The following OLFM3 variants were observed in gnomAD, a reference collection of about 807,000 sequenced individuals.
OLFM3 encodes the protein noelin-3.
A neutral mutation model predicts 48.6 loss-of-function variants in OLFM3; 20 were observed. That is an observed-to-expected ratio of 0.41 (90% CI 0.29 to 0.60). OLFM3 has a LOEUF of 0.60. Ranked by LOEUF, OLFM3 falls within the 20% of genes least tolerant of loss-of-function variation. OLFM3 has a pLI of 0.28. For missense variants in OLFM3, 437 were observed against 544.3 expected (o/e 0.80, Z 1.96); for synonymous variants, 222 against 198.1 (o/e 1.12, Z -1.01).
At chr1:101,956,408 A>C (rs773732841) in intron 1 of OLFM3, among the ~76,000 whole-genome samples, 14 of 151,692 alleles carry the variant, frequency 9.2e-5, no homozygotes, top group Non-Finnish European at 1.6e-4. Context: ...GGACCCACAA[A>C]CATCACCTAT....
intron 1 of OLFM3, among the ~76,000 whole-genome samples, chr1:101,885,771 T>G (rs547582552): frequency 6.6e-6 from 1 of 152,150 alleles, no homozygotes; most frequent in Non-Finnish European, 1.5e-5. Context: ...GTGTGTCAAT[T>G]AACTCTTTAT....
chr1:101,870,675 C>A (rs748904250), intron 1 of OLFM3, among the ~76,000 whole-genome samples: 3 of 152,118 alleles, frequency 2.0e-5, no homozygotes, highest in Non-Finnish European at 4.4e-5. Flanking sequence ...GTTTCTCCAA[C>A]TCCTGGCCTC....
chr1:101,803,473 G>A lies in OLFM3; in HGVS notation c.*765C>T, dbSNP rs1184808009. ...ACTTGGGGTAAAATAAAGACTCTAT[G>A]TCAGGTGTCTGGTTTGGTTTTCATT... On this transcript the variant is annotated 3_prime_UTR_variant, in exon 6 of 6. Transcript: ENST00000370103. The A allele has an allele frequency of 6.6e-6, 1 of 152,064 alleles. No individual in the cohort carries two copies. Among genetic ancestry groups the A allele is most frequent in the Non-Finnish European group, 1.5e-5 (1 of 67,766 alleles). 9.4% of individuals were successfully genotyped at this position (152,064 alleles called of 1,614,324 possible).
intron 1 of OLFM3, among the ~76,000 whole-genome samples, chr1:101,862,626 T>A (rs1271499733): frequency 6.6e-6 from 1 of 152,116 alleles, no homozygotes; most frequent in Non-Finnish European, 1.5e-5. Flanking sequence ...TCAAGAGGAG[T>A]CTAGGTGCAG....
At chr1:101,828,373 A>G (rs1199931606) in intron 3 of OLFM3, among the ~76,000 whole-genome samples, 1 of 152,154 alleles carries the variant, frequency 6.6e-6, no homozygotes, top group Non-Finnish European at 1.5e-5. Flanking sequence ...AATATGTATA[A>G]TATTCTGAAA....
At chr1:101,809,824 T>C (rs924080595) in intron 4 of OLFM3, among the ~76,000 whole-genome samples, 2 of 151,950 alleles carry the variant, frequency 1.3e-5, no homozygotes, top group Non-Finnish European at 2.9e-5. Context: ...AAATATGACA[T>C]TGGGCTTAAA....
At chr1:101,842,480 G>A (rs780533146) in intron 1 of OLFM3, among the ~76,000 whole-genome samples, 8 of 152,152 alleles carry the variant, frequency 5.3e-5, no homozygotes, top group African/African-American at 1.4e-4. Flanking sequence ...CTGGGAAGTC[G>A]AGGCTACAGT....
At chr1:101,890,784 T>C (rs1286967548) in intron 1 of OLFM3, among the ~76,000 whole-genome samples, 2 of 152,018 alleles carry the variant, frequency 1.3e-5, no homozygotes, top group African/African-American at 4.8e-5. Flanking sequence ...AAAGAACTAC[T>C]TGATTCATTG....
intron 1 of OLFM3, among the ~76,000 whole-genome samples, chr1:101,982,641 A>C (rs1265834282): frequency 3.3e-5 from 5 of 152,206 alleles, no homozygotes; most frequent in Admixed American, 6.5e-5. Context: ...AATCTGGTGC[A>C]GGCCTGCATA....
At chr1:101,813,826 A>T (rs186677621) in intron 4 of OLFM3, among the ~76,000 whole-genome samples, 68 of 152,274 alleles carry the variant, frequency 4.5e-4, no homozygotes, top group African/African-American at 1.2e-3. Context: ...CCTTTGGGTA[A>T]ACTAATATTT....
intron 1 of OLFM3, among the ~76,000 whole-genome samples, chr1:101,936,354 C>T (rs1330635923): frequency 1.3e-5 from 2 of 152,056 alleles, no homozygotes; most frequent in African/African-American, 4.8e-5. Flanking sequence ...AAAAATGCAA[C>T]CCTCTTACAA....
chr1:101,958,107 T>G (rs374205288), intron 1 of OLFM3, among the ~76,000 whole-genome samples: 3 of 152,066 alleles, frequency 2.0e-5, no homozygotes, highest in African/African-American at 7.2e-5. Context: ...GAGCCTGTAA[T>G]AGCTAACCCA....
chr1:101,961,544 C>G (rs961952387), intron 1 of OLFM3, among the ~76,000 whole-genome samples: 2 of 151,870 alleles, frequency 1.3e-5, no homozygotes, highest in Admixed American at 1.3e-4. Flanking sequence ...CTATAGAAAT[C>G]CCTTTCCTAA....
chr1:101,812,887 A>T, intron 4 of OLFM3: 1 of 991,528 alleles, frequency 1.0e-6, no homozygotes, highest in African/African-American at 1.7e-5. Context: ...AGCAAACTTT[A>T]CTTTCTTGTA....
intron 1 of OLFM3, among the ~76,000 whole-genome samples, chr1:101,900,571 G>C (rs987010017): frequency 6.6e-6 from 1 of 152,058 alleles, no homozygotes; most frequent in Non-Finnish European, 1.5e-5. Context: ...GTAAAGGCAA[G>C]AAAGTGTTTG....
At chr1:101,816,061 A>G (rs947300354) in intron 4 of OLFM3, among the ~76,000 whole-genome samples, 2 of 152,248 alleles carry the variant, frequency 1.3e-5, no homozygotes, top group Non-Finnish European at 2.9e-5. Flanking sequence ...AGAAGGATAT[A>G]GTACTGACCT....
chr1:101,849,584 G>C (rs1416099745), intron 1 of OLFM3, among the ~76,000 whole-genome samples: 1 of 152,214 alleles, frequency 6.6e-6, no homozygotes, highest in African/African-American at 2.4e-5. Context: ...TTATGATGCA[G>C]GATAGGCAGG....
intron 2 of OLFM3, among the ~76,000 whole-genome samples, chr1:101,833,843 C>T (rs1655279411): frequency 6.6e-6 from 1 of 152,038 alleles, no homozygotes; most frequent in Non-Finnish European, 1.5e-5. Flanking sequence ...TAGTAGTAAA[C>T]TGTGTATTAG....
intron 1 of OLFM3, among the ~76,000 whole-genome samples, chr1:101,897,801 C>T (rs188685228): frequency 4.8e-4 from 73 of 152,174 alleles, no homozygotes; most frequent in Non-Finnish European, 7.9e-4. Context: ...ATCCAAGTAA[C>T]TCATGTGATG....
Sources: gnomAD v4.1 joint callset for allele counts (sites outside exome capture counted in the v4.1 genomes callset) on GRCh38, gnomAD v4.1.1 for gene constraint, MANE v1.5 for transcripts, NCBI Gene and HGNC (gene_info 2026-07-23, HGNC 2026-07-21) for gene names.